DEUP1: variants seen among roughly 807,000 people sequenced by gnomAD.
DEUP1 encodes deuterosome assembly protein 1, also known as coiled-coil domain containing 67.
A neutral mutation model predicts 87.4 loss-of-function variants in DEUP1; 82 were observed. That is an observed-to-expected ratio of 0.94 (90% confidence interval 0.78 to 1.13). DEUP1 has a LOEUF of 1.13. DEUP1 is among the 50% of genes most tolerant of loss of function. The probability of loss-of-function intolerance (pLI) is 0.00; values close to 1 mark genes in which losing one functional copy is unlikely to be tolerated. For synonymous variants in DEUP1, 214 were observed against 222.7 expected, an observed-to-expected ratio of 0.96 and a Z score of 0.35; for missense variants, 663 against 681.5, an observed-to-expected ratio of 0.97 and a Z score of 0.30.
intron 2 of DEUP1, among the ~76,000 whole-genome samples, chr11:93,355,016 AGTTTGCCTCT>A (rs953393042): frequency 2.0e-5 from 3 of 152,128 alleles, no homozygotes; most frequent in Admixed American, 1.3e-4. Context: ...ATGATATCCC[AGTTTGCCTCT>A]GTCAAACCTT....
intron 5 of DEUP1, among the ~76,000 whole-genome samples, chr11:93,365,830 G>A (rs1349162803): frequency 6.6e-6 from 1 of 152,160 alleles, no homozygotes; most frequent in Non-Finnish European, 1.5e-5. Flanking sequence ...AAATTAATGT[G>A]TAAGAGATTG....
intron 9 of DEUP1, among the ~76,000 whole-genome samples, chr11:93,393,932 G>A (rs1946852839): frequency 6.6e-6 from 1 of 152,168 alleles, no homozygotes; most frequent in African/African-American, 2.4e-5. Context: ...GCTTAAGTAA[G>A]GGAAGTGATG....
chr11:93,432,673 A>T (rs141012493), intron 13 of DEUP1, among the ~76,000 whole-genome samples: 1,609 of 152,262 alleles, frequency 0.011, 19 homozygotes, highest in South Asian at 0.084. Context: ...GACAAGATAC[A>T]GGGAGGGACA....
chr11:93,432,565 A>G (rs144536396), intron 13 of DEUP1, among the ~76,000 whole-genome samples: 1 of 152,296 alleles, frequency 6.6e-6, no homozygotes, highest in African/African-American at 2.4e-5. Context: ...AGGTGTAGGC[A>G]AGACCCGGGC....
At chr11:93,355,164 T>A (rs569038649) in intron 2 of DEUP1, among the ~76,000 whole-genome samples, 1 of 152,340 alleles carries the variant, frequency 6.6e-6, no homozygotes, top group African/African-American at 2.4e-5. Flanking sequence ...AATGTTATTT[T>A]AAAAAATTAA....
chr11:93,336,406 A>G (rs1477258637), intron 2 of DEUP1, among the ~76,000 whole-genome samples: 1 of 151,678 alleles, frequency 6.6e-6, no homozygotes, highest in African/African-American at 2.4e-5. Flanking sequence ...AGAGCCAACC[A>G]TATCAGCGGG....
chr11:93,410,105 C>T (rs1331306098), intron 12 of DEUP1, among the ~76,000 whole-genome samples: 1 of 152,136 alleles, frequency 6.6e-6, no homozygotes, highest in Non-Finnish European at 1.5e-5. Context: ...GGGTATAGTA[C>T]AGCCCCGTCC....
intron 7 of DEUP1, among the ~76,000 whole-genome samples, chr11:93,383,193 A>G (rs1295276745): frequency 2.0e-5 from 3 of 152,252 alleles, no homozygotes; most frequent in African/African-American, 7.2e-5. Context: ...ATTCATAATA[A>G]TCAAAAAGTA....
At chr11:93,414,472 A>G (rs1212894013) in intron 12 of DEUP1, among the ~76,000 whole-genome samples, 1 of 152,120 alleles carries the variant, frequency 6.6e-6, no homozygotes, top group East Asian at 1.9e-4. Flanking sequence ...GCGCCACTGC[A>G]CTCCAGCCTA....
At chr11:93,386,462 A>G (rs1231992298) in intron 8 of DEUP1, among the ~76,000 whole-genome samples, 2 of 152,260 alleles carry the variant, frequency 1.3e-5, no homozygotes, top group Non-Finnish European at 2.9e-5. Context: ...CTTTCTCAAA[A>G]TCAGAAAGCT....
Position 93,360,947 on chromosome 11 carries a change from T to C in DEUP1, c.298-3213T>C, listed in dbSNP as rs1290012198. On this transcript the variant is annotated intron_variant, in intron 4 of 13. Coordinates refer to ENST00000298050, the MANE Select transcript of DEUP1 (RefSeq NM_181645.4). ...AAAGTAAACCTGCAGATTGAAAAGC[T>C]GAGTGAACTTCAAACAGGATAAATC... Among the ~76,000 whole-genome samples the C allele has an allele frequency of 4.1e-5, 6 of 145,514 alleles. No individual in the cohort carries two copies. The South Asian group carries it at 1.1e-3, about 26-fold the overall frequency.
chr11:93,414,318 C>T (rs1488339752), intron 12 of DEUP1, among the ~76,000 whole-genome samples: 1 of 152,114 alleles, frequency 6.6e-6, no homozygotes, highest in Non-Finnish European at 1.5e-5. Flanking sequence ...TCGAGACCAT[C>T]CTGGCTAACA....
At chr11:93,381,604 T>A (rs1196729414) in intron 7 of DEUP1, among the ~76,000 whole-genome samples, 1 of 152,180 alleles carries the variant, frequency 6.6e-6, no homozygotes, top group East Asian at 1.9e-4. Context: ...ATGTGCAATA[T>A]TTTTCCTGGG....
chr11:93,416,034 T>C (rs1481110255), intron 13 of DEUP1, among the ~76,000 whole-genome samples: 4 of 152,160 alleles, frequency 2.6e-5, no homozygotes, highest in African/African-American at 7.2e-5. Context: ...ACCGAGGTCA[T>C]AGGATATGAA....
intron 2 of DEUP1, among the ~76,000 whole-genome samples, chr11:93,341,749 T>A (rs1365350296): frequency 1.3e-5 from 2 of 152,160 alleles, no homozygotes; most frequent in Non-Finnish European, 2.9e-5. Flanking sequence ...TAGTTTCCTA[T>A]GGTTATTATA....
intron 7 of DEUP1, among the ~76,000 whole-genome samples, chr11:93,374,808 G>T (rs187302756): frequency 6.6e-6 from 1 of 152,008 alleles, no homozygotes; most frequent in Non-Finnish European, 1.5e-5. Flanking sequence ...TTCTAATTCA[G>T]TGAAGAATTA....
At chr11:93,356,601 A>G (rs1201164306) in intron 3 of DEUP1, among the ~76,000 whole-genome samples, 1 of 152,056 alleles carries the variant, frequency 6.6e-6, no homozygotes, top group African/African-American at 2.4e-5. Context: ...GTAATGGAGA[A>G]AAAAAAAGCT....
intron 12 of DEUP1, among the ~76,000 whole-genome samples, chr11:93,408,925 C>T (rs907680992): frequency 4.0e-5 from 6 of 151,220 alleles, no homozygotes; most frequent in East Asian, 3.9e-4. Context: ...GGTGTGATCT[C>T]GGCTCACTCC....
chr11:93,379,903 C>G (rs1219246641), intron 7 of DEUP1, among the ~76,000 whole-genome samples: 1 of 152,184 alleles, frequency 6.6e-6, no homozygotes, highest in Admixed American at 6.5e-5. Context: ...TCCAGCTACT[C>G]ATAGAAGTCA....
Sources: allele counts gnomAD v4.1 joint callset (sites outside exome capture counted in the v4.1 genomes callset), GRCh38; gene constraint gnomAD v4.1.1; transcripts MANE v1.5; gene names NCBI Gene and HGNC (gene_info 2026-07-23, HGNC 2026-07-21).